The following HNRNPH1 variants were observed in gnomAD, a reference collection of about 807,000 sequenced individuals.
HNRNPH1 encodes the protein heterogeneous nuclear ribonucleoprotein H1.
HNRNPH1 carries 4 observed loss-of-function variants against 58.6 expected under a neutral mutation model. The observed-to-expected ratio is 0.07, with a 90% confidence interval of 0.03 to 0.16. The LOEUF is 0.16. HNRNPH1 is among the 10% of genes least tolerant of loss of function. The pLI is 1.00. For synonymous variants in HNRNPH1, 192 were observed against 189.2 expected, an observed-to-expected ratio of 1.01 and a Z score of -0.12; for missense variants, 271 against 564.2, an observed-to-expected ratio of 0.48 and a Z score of 5.26.
At chr5:179,620,571 A>C in intron 3 of HNRNPH1, 1 of 246,500 alleles carries the variant, frequency 4.1e-6, no homozygotes, top group Non-Finnish European at 8.0e-6. Context: ...TCTGCTGGTA[A>C]AGGGATCTTA....
chr5:179,629,993 G>A (rs185542099), intron 2 of HNRNPH1, among the ~76,000 whole-genome samples: 250 of 151,636 alleles, frequency 1.6e-3, no homozygotes, highest in African/African-American at 2.5e-3. Flanking sequence ...CACTACACTC[G>A]AGCCTCGGTG....
chr5:179,616,075 GAAC>G, intron 11 of HNRNPH1, 48 bp downstream of exon 12: 1 of 1,447,298 alleles, frequency 6.9e-7, no homozygotes, highest in Non-Finnish European at 9.7e-7. Context: ...GTACAGTAAT[GAAC>G]AGGCTTTACC....
At chr5:179,630,915 A>C (rs1774775456) in intron 2 of HNRNPH1, among the ~76,000 whole-genome samples, 1 of 151,820 alleles carries the variant, frequency 6.6e-6, no homozygotes, top group Non-Finnish European at 1.5e-5. Context: ...AAAAAATCTC[A>C]AAAAAGAAAC....
exon 13 of HNRNPH1, chr5:179,614,784 G>GAA (rs35827689): frequency 0.024 from 10,560 of 443,252 alleles, 11 homozygotes; most frequent in South Asian, 0.053. Context: ...TTTTCTTAAA[G>GAA]AAAAAAAAAA....
intron 4 of HNRNPH1, 31 bp downstream of exon 5, chr5:179,619,238 G>A (rs1467785458): frequency 1.3e-6 from 2 of 1,563,324 alleles, no homozygotes; most frequent in Non-Finnish European, 1.7e-6. Flanking sequence ...CATAAGAAAA[G>A]TGACATATCC....
chr5:179,632,749 A>T (rs1562374862), intron 2 of HNRNPH1, among the ~76,000 whole-genome samples: 1 of 84,296 alleles, frequency 1.2e-5, no homozygotes, highest in African/African-American at 4.1e-5. Context: ...GCCAAATCAA[A>T]TATCTTTTTT....
intron 2 of HNRNPH1, among the ~76,000 whole-genome samples, chr5:179,630,016 T>A (rs1460218384): frequency 6.6e-6 from 1 of 151,762 alleles, no homozygotes; most frequent in Non-Finnish European, 1.5e-5. Context: ...AGAACGACTC[T>A]GTCTCAAAAT....
Position 179,618,072 on chromosome 5 carries a change from A to G in HNRNPH1, c.716-12T>C. 1 of 1,613,896 alleles carries G rather than the reference A, an allele frequency of 6.2e-7. No individual in the cohort carries two copies. Among genetic ancestry groups the G allele is most frequent in the South Asian group, 1.1e-5 (1 of 91,078 alleles). ...ATAGCCTCCATAGCCTGAAAGACAA[A>G]GTACAATCAATCAAATAAAACACCT... is the stretch of plus-strand genomic sequence containing the variant. On this transcript the variant is annotated splice_polypyrimidine_tract_variant and intron_variant, in intron 5 of 12. Transcript: ENST00000356731.
chr5:179,620,668 G>A (rs1050392634), intron 3 of HNRNPH1: 2 of 517,646 alleles, frequency 3.9e-6, no homozygotes, highest in East Asian at 3.2e-5. Flanking sequence ...GATCTACTCT[G>A]AACTATAATA....
At position 179,629,793 on chromosome 5, in the gene HNRNPH1, C is replaced by T. The variant is rs1226243608; in HGVS notation, c.-32+4272G>A. On this transcript the variant is annotated intron_variant, in intron 2 of 4. Transcript: ENST00000521116. ...ATCCCAGCACTTTGGGAGGCCAAGGCAGGTGGATCACTTGACATCAAGAGT... is the reference window on the plus strand; with the variant it reads ...ATCCCAGCACTTTGGGAGGCCAAGGTAGGTGGATCACTTGACATCAAGAGT... Among the ~76,000 whole-genome samples the T allele has an allele frequency of 1.3e-4, 19 of 148,702 alleles. No homozygotes were observed. In the East Asian group the frequency reaches 1.4e-3, roughly 11 times the overall value.
chr5:179,623,047 C>T, exon 1 of HNRNPH1: 1 of 1,564,724 alleles, frequency 6.4e-7, no homozygotes, highest in South Asian at 1.1e-5. Context: ...CAGAAAAAAA[C>T]CTCTGCACTT....
intron 3 of HNRNPH1, among the ~76,000 whole-genome samples, chr5:179,620,271 G>A (rs1771724913): frequency 1.3e-5 from 2 of 152,128 alleles, no homozygotes; most frequent in African/African-American, 4.8e-5. Context: ...TGTTAAACAT[G>A]CAATCTTATC....
At chr5:179,620,536 A>G (rs900252117) in intron 3 of HNRNPH1, 5 of 196,046 alleles carry the variant, frequency 2.6e-5, no homozygotes, top group Non-Finnish European at 5.2e-5. Flanking sequence ...ATAATTTACA[A>G]CAACCTAATT....
At chr5:179,630,359 A>G (rs181498485) in intron 2 of HNRNPH1, among the ~76,000 whole-genome samples, 2 of 150,912 alleles carry the variant, frequency 1.3e-5, no homozygotes, top group Admixed American at 6.6e-5. Context: ...CAAAAAAATA[A>G]ATAAATAAAA....
chr5:179,621,306 T>C (rs1224936537), exon 2 of HNRNPH1: 6 of 1,613,968 alleles, frequency 3.7e-6, no homozygotes, highest in Non-Finnish European at 4.2e-6. Context: ...CTTCATCTTC[T>C]GATTCAAGTT....
chr5:179,623,251 A>G (rs1313455720), exon 1 of HNRNPH1: 4 of 616,222 alleles, frequency 6.5e-6, no homozygotes, highest in Non-Finnish European at 1.1e-5. Flanking sequence ...CCGCCCCCCC[A>G]CGGAGCAAAA....
chr5:179,616,289 A>C (rs961009226), intron 10 of HNRNPH1, 71 bp from the exon 12 acceptor site: 1 of 1,157,450 alleles, frequency 8.6e-7, no homozygotes, highest in Admixed American at 1.7e-5. Context: ...CGGGCTTGTA[A>C]TTCTATAGCT....
At chr5:179,617,903 C>T in exon 7 of HNRNPH1, 1 of 1,614,020 alleles carries the variant, frequency 6.2e-7, no homozygotes, top group Non-Finnish European at 8.5e-7. Flanking sequence ...TATCTGTGAT[C>T]AGACATTCCT....
chr5:179,633,430 G>A (rs1350979441), intron 2 of HNRNPH1, among the ~76,000 whole-genome samples: 1 of 150,940 alleles, frequency 6.6e-6, no homozygotes, highest in Non-Finnish European at 1.5e-5. Context: ...CGAGTAGCTG[G>A]GACTACAGGC....
Sources: allele counts gnomAD v4.1 joint callset (sites outside exome capture counted in the v4.1 genomes callset), GRCh38; gene constraint gnomAD v4.1.1; transcripts MANE v1.5; gene names NCBI Gene and HGNC (gene_info 2026-07-23, HGNC 2026-07-21).